Variants in PDE3B observed in about 807,000 individuals in gnomAD.
The protein encoded by PDE3B is phosphodiesterase 3B.
In PDE3B, 66 loss-of-function variants were observed where a neutral mutation model predicts 116.8. The observed-to-expected ratio is 0.56, with a 90% confidence interval of 0.46 to 0.69. PDE3B has a LOEUF of 0.69. PDE3B is among the 30% of genes least tolerant of loss of function. The pLI is 0.00. For synonymous variants in PDE3B, 595 were observed against 533.6 expected, an observed-to-expected ratio of 1.12 and a Z score of -1.59; for missense variants, 1,384 against 1,368.1, an observed-to-expected ratio of 1.01 and a Z score of -0.18.
At chr11:14,778,227 C>G (rs1857851648) in intron 2 of PDE3B, among the ~76,000 whole-genome samples, 1 of 152,196 alleles carries the variant, frequency 6.6e-6, no homozygotes, top group South Asian at 2.1e-4. Context: ...TCTGTAGACT[C>G]CACCTCTGGG....
intron 12 of PDE3B, among the ~76,000 whole-genome samples, chr11:14,849,147 C>A (rs1847681782): frequency 6.6e-6 from 1 of 152,136 alleles, no homozygotes; most frequent in South Asian, 2.1e-4. Flanking sequence ...AGATATAGAT[C>A]AATGGAACAG....
At chr11:14,868,355 T>C (rs1416767948) in intron 15 of PDE3B, among the ~76,000 whole-genome samples, 1 of 152,000 alleles carries the variant, frequency 6.6e-6, no homozygotes, top group Admixed American at 6.6e-5. Flanking sequence ...CCAATCCCAC[T>C]AGGCAGCTGA....
rs117701211 is a variant in PDE3B, at chr11:14,775,825, C to G, written c.1029+3838C>G. Reference sequence around the variant, plus strand: ...GTGCTGGGATTACAGGGGTAAGAGACCACACTTGGCCATTTTGTCTGTATT... The same window carrying G: ...GTGCTGGGATTACAGGGGTAAGAGAGCACACTTGGCCATTTTGTCTGTATT... On this transcript the variant is annotated intron_variant, in intron 2 of 15. Transcript: ENST00000282096. 4.3e-3 allele frequency: 660 copies of G among 152,418 alleles called. 5 individuals are homozygous for G. The highest frequency in any genetic ancestry group is 7.2e-3 in the Non-Finnish European group (493 of 68,118). The allele number at this position is 152,418 out of a possible 1,614,324, so 9.4% of individuals were successfully genotyped here. A position where few individuals can be genotyped will look rare whatever the true frequency, so the allele number is the denominator to read the frequency against.
rs542071516 is a variant in PDE3B at position 14,845,688 on chromosome 11, G to C, written c.2520+1662G>C. Among the ~76,000 whole-genome samples the C allele has an allele frequency of 2.6e-5, 4 of 152,328 alleles. No individual in the cohort carries two copies. The South Asian group carries it at 8.3e-4, about 32-fold the overall frequency. ...AGCCAAGGCTCGAAAACTACGTGAA[G>C]AATGCAGAAGCCTCAGGAGCCGATG... On this transcript the variant is annotated intron_variant, in intron 12 of 15. Transcript: ENST00000282096.
chr11:14,898,100 A>ACTCCTCC, the PDE3B span, among the ~76,000 whole-genome samples: 1 of 149,730 alleles, frequency 6.7e-6, no homozygotes. Context: ...TCCCATCAAG[A>ACTCCTCC]CTCCTCCTTA....
the PDE3B span, chr11:14,892,291 A>G: frequency 2.3e-6 from 3 of 1,331,874 alleles, no homozygotes; most frequent in South Asian, 2.5e-5. Flanking sequence ...TTGGCAGGAT[A>G]CCCTCAGGTC....
rs1416121291 is a variant in PDE3B, at chr11:14,852,303, G to A, written c.2521-6740G>A. ...ACTACTGACCTCATGTGATCTGTCC[G>A]CCTCAGCCTCCCAAAGTGCTGGGAT... On this transcript the variant is annotated intron_variant, in intron 12 of 15. Transcript: ENST00000282096. Among the ~76,000 whole-genome samples, 4 of 152,042 alleles carry A rather than the reference G, an allele frequency of 2.6e-5. 1 individual carries two copies. The highest frequency in any genetic ancestry group is 4.1e-4 in the South Asian group (2 of 4,822).
intron 2 of PDE3B, among the ~76,000 whole-genome samples, chr11:14,783,086 G>A (rs1858076157): frequency 1.3e-5 from 2 of 152,168 alleles, no homozygotes; most frequent in Non-Finnish European, 1.5e-5. Context: ...TTAGAATGGT[G>A]ATCATTAAAA....
intron 1 of PDE3B, among the ~76,000 whole-genome samples, chr11:14,741,302 A>G (rs1182080273): frequency 2.0e-5 from 3 of 152,038 alleles, no homozygotes; most frequent in Non-Finnish European, 2.9e-5. Context: ...GGCTGCATAT[A>G]TATTTAGGAT....
intron 1 of PDE3B, among the ~76,000 whole-genome samples, chr11:14,763,820 C>A (rs1040335998): frequency 3.3e-5 from 5 of 151,922 alleles, no homozygotes; most frequent in African/African-American, 1.2e-4. Context: ...AAAATTATTA[C>A]CATTTTAGCA....
chr11:14,723,163 G>T (rs142547648), intron 1 of PDE3B, among the ~76,000 whole-genome samples: 63 of 152,316 alleles, frequency 4.1e-4, no homozygotes, highest in Middle Eastern at 3.4e-3. Context: ...AGTCCTTACA[G>T]AATTGTATTG....
the PDE3B span, among the ~76,000 whole-genome samples, chr11:14,883,846 C>A: frequency 4.6e-5 from 7 of 152,056 alleles, no homozygotes; most frequent in South Asian, 4.1e-4. Flanking sequence ...AAGAAAAAAA[C>A]AACCCCATCA....
In PDE3B at chr11:14,644,092, G is replaced by A. The variant is rs779547631; in HGVS notation, c.17G>A (p.Arg6Gln). 1.9e-6 allele frequency: 3 copies of A among 1,555,470 alleles called. No individual in the cohort carries two copies. Among genetic ancestry groups the A allele is most frequent in the African/African-American group, 2.8e-5 (2 of 72,092 alleles). ...GCCCCAGCCATGAGGAGGGACGAGC[G>A]AGACGCCAAAGCCATGCGGTCCCTG... is the stretch of plus-strand genomic sequence containing the variant. MRRDE[R>Q]DAKAMRSLQP... The change falls in exon 1 of 16, where the codon CGA becomes CAA. Residue 6 changes from arginine (R) to glutamine (Q), a missense_variant. Around this residue, in one of 2 missense-constraint regions of PDE3B, gnomAD observed 956 missense variants for 806.8 expected, o/e 1.18. Coordinates refer to ENST00000282096, the MANE Select transcript of PDE3B (RefSeq NM_000922.4).
chr11:14,659,655 T>C (rs1015283654), intron 1 of PDE3B, among the ~76,000 whole-genome samples: 3 of 152,174 alleles, frequency 2.0e-5, no homozygotes, highest in African/African-American at 7.2e-5. Context: ...CTGTCCCTCC[T>C]CCCACTCCGG....
At chr11:14,895,879 C>T in the PDE3B span, among the ~76,000 whole-genome samples, 4 of 152,076 alleles carry the variant, frequency 2.6e-5, no homozygotes, top group Admixed American at 6.5e-5. Flanking sequence ...CAGGCAAGGC[C>T]GAATGAGGGA....
At chr11:14,829,956 C>G (rs1859820069) in intron 7 of PDE3B, among the ~76,000 whole-genome samples, 1 of 152,076 alleles carries the variant, frequency 6.6e-6, no homozygotes. Flanking sequence ...CTTTCATACG[C>G]TTTTGAACTT....
Position 14,644,459 on chromosome 11 carries a change from C to T in PDE3B, c.384C>T (p.Ala128=), listed in dbSNP as rs1194805890. The stretch of plus-strand genomic sequence containing the variant: ...GCCCCCTCTTCAGCATCGCCTGTGC[C>T]TTCTTCTTCCTCACCTGCTTCCTCA... ...SLSPLFSIAC[A]FFFLTCFLTR... is the part of the protein sequence containing the mutation. The change falls in exon 1 of 16, where the codon GCC becomes GCT. Residue 128 remains alanine, a synonymous_variant. Coordinates refer to ENST00000282096, the MANE Select transcript of PDE3B (RefSeq NM_000922.4). The T allele has an allele frequency of 8.7e-6, 14 of 1,612,914 alleles. No individual in the cohort carries two copies. The highest frequency in any genetic ancestry group is 1.3e-5 in the African/African-American group (1 of 74,834).
At position 14,819,111 on chromosome 11, in the gene PDE3B, A is replaced by T. The variant is rs182112593; in HGVS notation, c.1734-25A>T. On this transcript the variant is annotated intron_variant, in intron 6 of 15. Coordinates refer to ENST00000282096, the MANE Select transcript of PDE3B (RefSeq NM_000922.4). ...AAAACTTGTACCTCATTTACCGTAT[A>T]TATTTATCTATTTTATTCTATAAGC... is the stretch of plus-strand genomic sequence containing the variant. The T allele has an allele frequency of 3.0e-4, 420 of 1,389,620 alleles. 1 individual carries two copies. Among genetic ancestry groups the T allele is most frequent in the Non-Finnish European group, 3.8e-4 (378 of 985,120 alleles). 86.1% of individuals were successfully genotyped at this position (1,389,620 alleles called of 1,614,324 possible).
intron 7 of PDE3B, among the ~76,000 whole-genome samples, chr11:14,829,847 A>G (rs1859815038): frequency 6.6e-6 from 1 of 152,142 alleles, no homozygotes; most frequent in Non-Finnish European, 1.5e-5. Flanking sequence ...CTAAGATAAA[A>G]GTTGTTTTTT....
Sources: allele counts gnomAD v4.1 joint callset (sites outside exome capture counted in the v4.1 genomes callset), GRCh38; gene constraint gnomAD v4.1.1; regional missense constraint gnomAD v4.1.1; transcripts MANE v1.5; gene names NCBI Gene and HGNC (gene_info 2026-07-23, HGNC 2026-07-21).